Variants in PIBF1 observed in about 807,000 individuals in gnomAD.
PIBF1 encodes progesterone-induced-blocking factor 1.
PIBF1 carries 90 observed loss-of-function variants against 112.5 expected under a neutral mutation model. The ratio of observed to expected loss-of-function variants is 0.80; its 90% CI spans 0.67 to 0.95. PIBF1 has a LOEUF of 0.95. Ranked by LOEUF, PIBF1 falls within the 40% of genes least tolerant of loss-of-function variation. The probability of loss-of-function intolerance (pLI) is 0.00; values close to 1 mark genes in which losing one functional copy is unlikely to be tolerated. For missense variants in PIBF1, 915 were observed against 852.3 expected, an observed-to-expected ratio of 1.07 and a Z score of -0.92; for synonymous variants, 301 against 288.6, an observed-to-expected ratio of 1.04 and a Z score of -0.44.
chr13:72,798,656 TG>T (rs1394436760), intron 5 of PIBF1, among the ~76,000 whole-genome samples: 2 of 152,210 alleles, frequency 1.3e-5, no homozygotes, highest in Admixed American at 1.3e-4. Flanking sequence ...TTAACTTGGT[TG>T]TATTATTGAC....
At chr13:73,002,983 CAAAAA>C (rs1161228077) in intron 17 of PIBF1, among the ~76,000 whole-genome samples, 63 of 57,518 alleles carry the variant, frequency 1.1e-3, no homozygotes, top group African/African-American at 1.3e-3. Context: ...ACTCTGGTCT[CAAAAA>C]AAAAAAAAAA....
rs759780326 is a variant in PIBF1 at position 72,980,799 on chromosome 13, CT to C, written c.2049+7125del. On this transcript the variant is annotated intron_variant, in intron 16 of 17. Transcript: ENST00000326291. ...CACCCTGGGTGACAGAGTCAGAGCC[CT>C]ATCTCCAAAAAAAAAAAAGAAAAAG... Among the ~76,000 whole-genome samples the C allele has an allele frequency of 3.4e-4, 50 of 147,696 alleles. 1 individual carries two copies. The highest frequency in any genetic ancestry group is 2.6e-3 in the East Asian group (13 of 4,932).
intron 5 of PIBF1, among the ~76,000 whole-genome samples, chr13:72,815,816 C>T (rs2036241769): frequency 6.6e-6 from 1 of 152,114 alleles, no homozygotes. Context: ...CAGGCATGCA[C>T]CATCACACTG....
chr13:73,013,964 A>G (rs1334595789), intron 17 of PIBF1, among the ~76,000 whole-genome samples: 1 of 152,158 alleles, frequency 6.6e-6, no homozygotes, highest in Non-Finnish European at 1.5e-5. Flanking sequence ...ACAAAAATTG[A>G]AGGAATTTAT....
At chr13:72,810,328 A>G (rs1417243907) in intron 5 of PIBF1, among the ~76,000 whole-genome samples, 4 of 152,218 alleles carry the variant, frequency 2.6e-5, no homozygotes, top group Non-Finnish European at 5.9e-5. Flanking sequence ...AGTGTAAGGC[A>G]TTAGTGAATC....
intron 11 of PIBF1, 128 bp downstream of exon 11, chr13:72,894,077 A>C (rs761295814): frequency 4.3e-4 from 201 of 472,872 alleles, no homozygotes; most frequent in Non-Finnish European, 5.7e-4. Context: ...AAAAAAAAAA[A>C]AACAAGGAAA....
intron 5 of PIBF1, among the ~76,000 whole-genome samples, chr13:72,821,613 GTTAT>G (rs1236321581): frequency 6.6e-6 from 1 of 152,054 alleles, no homozygotes; most frequent in Non-Finnish European, 1.5e-5. Flanking sequence ...TAGTTGTTGT[GTTAT>G]TTATTTGAAA....
At chr13:72,903,451 A>C (rs1453434891) in intron 11 of PIBF1, among the ~76,000 whole-genome samples, 1 of 152,144 alleles carries the variant, frequency 6.6e-6, no homozygotes, top group African/African-American at 2.4e-5. Context: ...GAAACTAAGA[A>C]TTTTGAACAG....
chr13:72,887,381 GT>G (rs751930190), intron 10 of PIBF1, among the ~76,000 whole-genome samples: 1 of 151,558 alleles, frequency 6.6e-6, no homozygotes, highest in Non-Finnish European at 1.5e-5. Context: ...TATACTTTTT[GT>G]TTTCTTAAAG....
At chr13:72,930,059 C>T (rs1378843491) in intron 13 of PIBF1, among the ~76,000 whole-genome samples, 1 of 152,052 alleles carries the variant, frequency 6.6e-6, no homozygotes, top group Non-Finnish European at 1.5e-5. Context: ...AGGGTCTCAC[C>T]CTGTTGCCCA....
At chr13:72,783,169 ATTTC>A (rs1052825803) in intron 1 of PIBF1, among the ~76,000 whole-genome samples, 6 of 151,558 alleles carry the variant, frequency 4.0e-5, no homozygotes, top group Admixed American at 1.3e-4. Context: ...CATCTTGTAC[ATTTC>A]TTTGTTTCCT....
At chr13:72,957,988 G>C (rs1018025310) in intron 14 of PIBF1, among the ~76,000 whole-genome samples, 5 of 151,670 alleles carry the variant, frequency 3.3e-5, no homozygotes, top group Admixed American at 3.3e-4. Context: ...AAAACAATTA[G>C]CCAGTTGTTG....
chr13:72,796,450 G>A (rs966377507), intron 4 of PIBF1, among the ~76,000 whole-genome samples: 13 of 152,022 alleles, frequency 8.6e-5, no homozygotes, highest in Admixed American at 3.3e-4. Flanking sequence ...GTAACGGTGC[G>A]TTTCTATTGG....
intron 10 of PIBF1, among the ~76,000 whole-genome samples, chr13:72,875,195 G>C (rs1367523687): frequency 6.6e-6 from 1 of 152,012 alleles, no homozygotes; most frequent in African/African-American, 2.4e-5. Context: ...TTACTTAGTA[G>C]TGTGCATTTA....
chr13:72,880,197 A>G (rs1404425363), intron 10 of PIBF1, among the ~76,000 whole-genome samples: 1 of 152,144 alleles, frequency 6.6e-6, no homozygotes, highest in Non-Finnish European at 1.5e-5. Context: ...TGAACGGGTA[A>G]CTCTGTTTCT....
At chr13:73,015,376 G>T (rs2044354360) in intron 17 of PIBF1, among the ~76,000 whole-genome samples, 1 of 152,132 alleles carries the variant, frequency 6.6e-6, no homozygotes, top group Non-Finnish European at 1.5e-5. Flanking sequence ...TTTCTATTCT[G>T]TACAGCCTGT....
chr13:72,825,977 G>A (rs928729258), intron 6 of PIBF1, among the ~76,000 whole-genome samples: 1 of 150,676 alleles, frequency 6.6e-6, no homozygotes, highest in Non-Finnish European at 1.5e-5. Context: ...GCTGAGGCTG[G>A]AGGATCACTT....
chr13:72,843,539 G>A (rs946316075), intron 9 of PIBF1, among the ~76,000 whole-genome samples: 3 of 152,212 alleles, frequency 2.0e-5, no homozygotes, highest in Non-Finnish European at 4.4e-5. Flanking sequence ...AGCCTCCCAG[G>A]TAGCTGGGAT....
rs201708706 is a variant in PIBF1, at chr13:72,908,696, A to C, written c.1639+15A>C. The C allele has an allele frequency of 5.6e-5, 89 of 1,596,366 alleles. No individual in the cohort carries two copies. Among genetic ancestry groups the C allele is most frequent in the Non-Finnish European group, 6.8e-5 (80 of 1,172,664 alleles). The stretch of plus-strand genomic sequence containing the variant: ...AACTGCAGAAAGTAAGTCTTCCCCC[A>C]CACACACATGCACAACTTTTTTTTT... On this transcript the variant is annotated intron_variant, in intron 12 of 17. Transcript: ENST00000326291.
Sources: gnomAD v4.1 joint callset for allele counts (sites outside exome capture counted in the v4.1 genomes callset) on GRCh38, gnomAD v4.1.1 for gene constraint, MANE v1.5 for transcripts, NCBI Gene and HGNC (gene_info 2026-07-23, HGNC 2026-07-21) for gene names.